Variants in RLIG1 observed in about 807,000 individuals in gnomAD.
The protein encoded by RLIG1 is RNA 5'-phosphate and 3'-OH ligase 1.
chr12:88,035,919 C>T, the RLIG1 span: 1 of 1,513,118 alleles, frequency 6.6e-7, no homozygotes, highest in African/African-American at 1.4e-5. Context: ...GCTCCAGGTT[C>T]TTGTACTTTT....
chr12:88,046,621 A>G, the RLIG1 span, among the ~76,000 whole-genome samples: 3 of 152,182 alleles, frequency 2.0e-5, no homozygotes, highest in Non-Finnish European at 4.4e-5. Flanking sequence ...AGAGTACACC[A>G]AGGTGGAATT....
chr12:88,047,240 C>T, the RLIG1 span, among the ~76,000 whole-genome samples: 2 of 152,132 alleles, frequency 1.3e-5, no homozygotes, highest in South Asian at 4.1e-4. Flanking sequence ...TCATGTTGCA[C>T]AGTAGTGCTC....
chr12:88,045,122 G>T, the RLIG1 span: 1 of 154,626 alleles, frequency 6.5e-6, no homozygotes, highest in Non-Finnish European at 1.4e-5. Flanking sequence ...ATAAGAATGA[G>T]AAGGGTAATA....
chr12:88,042,473 G>GT, the RLIG1 span: 1 of 161,008 alleles, frequency 6.2e-6, no homozygotes, highest in Admixed American at 6.5e-5. Context: ...ACAGTGTTAT[G>GT]TTTGGGGGGA....
the RLIG1 span, chr12:88,048,237 C>A: frequency 6.5e-7 from 1 of 1,545,924 alleles, no homozygotes; most frequent in East Asian, 2.3e-5. Flanking sequence ...TTTCCAGGTC[C>A]ATCGCCATCA....
chr12:88,049,334 ATTATAC>A, the RLIG1 span: 5 of 1,587,496 alleles, frequency 3.1e-6, no homozygotes, highest in South Asian at 1.1e-5. Context: ...CTTCCTTGTA[ATTATAC>A]TTAAGATCTT....
chr12:88,048,105 T>TAAA, the RLIG1 span: 4 of 442,460 alleles, frequency 9.0e-6, no homozygotes, highest in Admixed American at 4.8e-5. Flanking sequence ...AGACCAGCTA[T>TAAA]AAAAAAAAAA....
At chr12:88,047,946 A>G in the RLIG1 span, among the ~76,000 whole-genome samples, 1 of 152,110 alleles carries the variant, frequency 6.6e-6, no homozygotes, top group Non-Finnish European at 1.5e-5. Context: ...TCTATGATTC[A>G]TAACATTTTA....
the RLIG1 span, chr12:88,043,034 CTA>C: frequency 4.1e-6 from 2 of 482,946 alleles, no homozygotes; most frequent in Non-Finnish European, 7.1e-6. Context: ...TTTAGGAAAA[CTA>C]TAATTGAATA....
chr12:88,043,251 T>G, the RLIG1 span, among the ~76,000 whole-genome samples: 1 of 152,078 alleles, frequency 6.6e-6, no homozygotes, highest in East Asian at 1.9e-4. Context: ...AAAATGCTTT[T>G]AAATATCTGT....
chr12:88,037,375 G>T, the RLIG1 span, among the ~76,000 whole-genome samples: 1 of 152,056 alleles, frequency 6.6e-6, no homozygotes, highest in Non-Finnish European at 1.5e-5. Flanking sequence ...ATGACAGGTG[G>T]AGAAGGAGAA....
the RLIG1 span, chr12:88,042,642 C>G: frequency 1.7e-5 from 7 of 402,974 alleles, no homozygotes; most frequent in Non-Finnish European, 2.2e-5. Flanking sequence ...ATTCTTTAAC[C>G]AGAGAAATAA....
the RLIG1 span, among the ~76,000 whole-genome samples, chr12:88,043,287 C>T: frequency 6.6e-6 from 1 of 151,898 alleles, no homozygotes; most frequent in Admixed American, 6.6e-5. Flanking sequence ...TATATCTATG[C>T]ATTCATGTAT....
the RLIG1 span, among the ~76,000 whole-genome samples, chr12:88,039,774 T>TA: frequency 6.8e-3 from 1,043 of 152,296 alleles, 17 homozygotes; most frequent in African/African-American, 0.024. Flanking sequence ...CCAAGGCAGG[T>TA]ACTTTTTTGT....
chr12:88,035,784 C>G, the RLIG1 span: 1 of 1,556,456 alleles, frequency 6.4e-7, no homozygotes, highest in Non-Finnish European at 8.7e-7. Context: ...GTGGGCTCCT[C>G]CCCGCGGCGC....
chr12:88,035,794 C>A, the RLIG1 span: 2 of 1,553,776 alleles, frequency 1.3e-6, no homozygotes, highest in Non-Finnish European at 1.7e-6. Flanking sequence ...CCCCGCGGCG[C>A]TGGCTCAGTG....
chr12:88,037,400 CAGT>C, the RLIG1 span, among the ~76,000 whole-genome samples: 1 of 152,142 alleles, frequency 6.6e-6, no homozygotes, highest in Non-Finnish European at 1.5e-5. Context: ...GTGTACCCCT[CAGT>C]GTCTCGTGTT....
chr12:88,043,609 G>T, the RLIG1 span: 1 of 1,598,998 alleles, frequency 6.3e-7, no homozygotes, highest in Non-Finnish European at 8.5e-7. Context: ...AATTTTTTTG[G>T]AACGTTGAGG....
chr12:88,040,210 T>C, the RLIG1 span: 1 of 1,610,572 alleles, frequency 6.2e-7, no homozygotes, highest in Admixed American at 1.7e-5. Context: ...ATATATACAG[T>C]GCAATTCCAA....
Sources: gnomAD v4.1 joint callset for allele counts (sites outside exome capture counted in the v4.1 genomes callset) on GRCh38, gnomAD v4.1.1 for gene constraint, MANE v1.5 for transcripts, NCBI Gene and HGNC (gene_info 2026-07-23, HGNC 2026-07-21) for gene names.